Variants in FAM171A1 observed in about 807,000 individuals in gnomAD.
FAM171A1 encodes the protein protein FAM171A1.
A neutral mutation model predicts 74.9 loss-of-function variants in FAM171A1; 23 were observed. That is an observed-to-expected ratio of 0.31 (90% CI 0.22 to 0.44). FAM171A1 has a LOEUF of 0.44. Ranked by LOEUF, FAM171A1 falls within the 20% of genes least tolerant of loss-of-function variation. The pLI, the probability that FAM171A1 is intolerant of heterozygous loss-of-function variation, is 1.00. For missense variants in FAM171A1, 1,162 were observed against 1,159.2 expected (o/e 1.00, Z -0.03); for synonymous variants, 527 against 505.7 (o/e 1.04, Z -0.57).
intron 1 of FAM171A1, among the ~76,000 whole-genome samples, chr10:15,355,988 A>T (rs1408223483): frequency 1.3e-5 from 2 of 152,018 alleles, no homozygotes; most frequent in Non-Finnish European, 2.9e-5. Flanking sequence ...CTACATAATC[A>T]GATAGGATAT....
chr10:15,228,797 C>T lies in FAM171A1; in HGVS notation c.755-7737G>A, dbSNP rs553297731. ...AATGTGATACCCAAGTCTGCCACTT[C>T]CTAGTCGTGTGCGCTGAGGACATGC... On this transcript the variant is annotated intron_variant, in intron 5 of 7. Transcript: ENST00000378116. Among the ~76,000 whole-genome samples, 486 of 152,320 alleles carry T rather than the reference C, an allele frequency of 3.2e-3. 2 individuals carry two copies. Among genetic ancestry groups the T allele is most frequent in the Non-Finnish European group, 5.6e-3 (383 of 68,022 alleles).
chr10:15,279,197 C>T (rs1179301058), intron 2 of FAM171A1, among the ~76,000 whole-genome samples: 2 of 152,232 alleles, frequency 1.3e-5, no homozygotes, highest in Admixed American at 1.3e-4. Context: ...TGTTTCTCAC[C>T]TAAAATATTT....
At chr10:15,324,534 T>A (rs1038435206) in intron 1 of FAM171A1, among the ~76,000 whole-genome samples, 1 of 152,220 alleles carries the variant, frequency 6.6e-6, no homozygotes, top group Non-Finnish European at 1.5e-5. Context: ...TTTTGTGGCA[T>A]CAGCTCCAGC....
At chr10:15,249,396 G>A (rs537494455) in intron 4 of FAM171A1, among the ~76,000 whole-genome samples, 7 of 152,126 alleles carry the variant, frequency 4.6e-5, no homozygotes, top group African/African-American at 1.7e-4. Flanking sequence ...CACTGTGCCC[G>A]GTCAGGCTTG....
At chr10:15,257,549 A>G (rs1834596481) in intron 3 of FAM171A1, among the ~76,000 whole-genome samples, 1 of 152,050 alleles carries the variant, frequency 6.6e-6, no homozygotes, top group African/African-American at 2.4e-5. Context: ...GTGCAGGAGA[A>G]TTTGGTCCCT....
At chr10:15,276,769 C>T (rs980414278) in intron 2 of FAM171A1, among the ~76,000 whole-genome samples, 3 of 152,140 alleles carry the variant, frequency 2.0e-5, no homozygotes, top group Non-Finnish European at 2.9e-5. Flanking sequence ...ACTGTAGCCT[C>T]GACCTCCCAG....
rs182403327 is a variant in FAM171A1 at position 15,300,576 on chromosome 10, G to C, written c.98-16471C>G. 2.7e-5 allele frequency among the ~76,000 whole-genome samples: 4 copies of C among 149,988 alleles called. No homozygotes were observed. In the East Asian group the frequency reaches 5.9e-4, roughly 22 times the overall value. On this transcript the variant is annotated intron_variant, in intron 1 of 7. Transcript: ENST00000378116. ...TCCAAAGCACCCTTTCCCCCTAAAA[G>C]CTTCTCAGTTAAGAACCCCCTCCCA...
At chr10:15,293,359 A>C (rs1835124210) in intron 1 of FAM171A1, among the ~76,000 whole-genome samples, 1 of 152,188 alleles carries the variant, frequency 6.6e-6, no homozygotes, top group African/African-American at 2.4e-5. Context: ...AACTAACTGT[A>C]AATAATCAGA....
In FAM171A1 at chr10:15,214,444, G is replaced by C. The variant is rs755085189; in HGVS notation, c.1144C>G (p.His382Asp). The C allele has an allele frequency of 1.2e-6, 2 of 1,614,184 alleles. No homozygotes were observed. Among genetic ancestry groups the C allele is most frequent in the South Asian group, 1.1e-5 (1 of 91,070 alleles). ...GTGCCGGGGGCCTCGGGGCGGCCGT[G>C]GCTGGTGACGGACAGCGGGCCAGGG... Reference protein sequence around the residue: ...EFPGPLSVTSHGRPEAPGTKE... With the variant: ...EFPGPLSVTSDGRPEAPGTKE... Residue 382 changes from histidine (H) to aspartate (D), a missense_variant, in exon 8 of 8, where the codon CAC (histidine) becomes GAC (aspartate). Coordinates refer to ENST00000378116, the MANE Select transcript of FAM171A1 (RefSeq NM_001010924.2).
At chr10:15,243,813 A>G (rs1353529685) in intron 5 of FAM171A1, among the ~76,000 whole-genome samples, 1 of 15,450 alleles carries the variant, frequency 6.5e-5, no homozygotes, top group African/African-American at 1.7e-4. Context: ...ACATTGACTG[A>G]GCAGCTCACC....
chr10:15,293,651 T>C (rs954499205), intron 1 of FAM171A1, among the ~76,000 whole-genome samples: 43 of 151,782 alleles, frequency 2.8e-4, no homozygotes, highest in Admixed American at 2.7e-3. Flanking sequence ...AATGCATTCA[T>C]AGAGGTGGGG....
intron 1 of FAM171A1, among the ~76,000 whole-genome samples, chr10:15,314,260 C>T (rs1268673755): frequency 1.3e-5 from 2 of 149,606 alleles, no homozygotes; most frequent in African/African-American, 4.9e-5. Context: ...ACATTCCTAG[C>T]AAAAAAGAAA....
At chr10:15,350,693 C>T (rs1348532978) in intron 1 of FAM171A1, among the ~76,000 whole-genome samples, 2 of 151,108 alleles carry the variant, frequency 1.3e-5, no homozygotes, top group Non-Finnish European at 2.9e-5. Flanking sequence ...GGCTGGAGTG[C>T]AGTGGTGCCA....
chr10:15,238,173 C>G (rs1469227988), intron 5 of FAM171A1, among the ~76,000 whole-genome samples: 1 of 152,190 alleles, frequency 6.6e-6, no homozygotes, highest in African/African-American at 2.4e-5. Context: ...AATCACCCAC[C>G]TCAGTATTCC....
intron 5 of FAM171A1, among the ~76,000 whole-genome samples, chr10:15,247,094 C>T (rs529880304): frequency 2.6e-5 from 4 of 152,330 alleles, no homozygotes; most frequent in South Asian, 4.1e-4. Context: ...ATATTTTCTA[C>T]AGCATTGGTT....
chr10:15,274,004 T>C (rs181455061), intron 3 of FAM171A1, among the ~76,000 whole-genome samples: 15 of 152,322 alleles, frequency 9.8e-5, no homozygotes, highest in African/African-American at 2.6e-4. Flanking sequence ...TCACCACTCC[T>C]GTTCAACATA....
At chr10:15,287,798 C>G (rs1045511991) in intron 1 of FAM171A1, among the ~76,000 whole-genome samples, 2 of 152,094 alleles carry the variant, frequency 1.3e-5, no homozygotes, top group African/African-American at 4.8e-5. Flanking sequence ...TTTAGGGGAA[C>G]AGGTGGTGTT....
At chr10:15,361,550 G>A (rs1171924869) in intron 1 of FAM171A1, among the ~76,000 whole-genome samples, 1 of 152,148 alleles carries the variant, frequency 6.6e-6, no homozygotes, top group East Asian at 1.9e-4. Flanking sequence ...AGGTGAGGTG[G>A]TGTGCACCTG....
intron 3 of FAM171A1, among the ~76,000 whole-genome samples, chr10:15,255,842 T>C (rs1378425849): frequency 6.6e-6 from 1 of 152,036 alleles, no homozygotes; most frequent in African/African-American, 2.4e-5. Flanking sequence ...GAGGCAGGGT[T>C]TCACCATGTT....
Sources: gnomAD v4.1 joint callset for allele counts (sites outside exome capture counted in the v4.1 genomes callset) on GRCh38, gnomAD v4.1.1 for gene constraint, MANE v1.5 for transcripts, NCBI Gene and HGNC (gene_info 2026-07-23, HGNC 2026-07-21) for gene names.